PSME4: variants seen among roughly 807,000 people sequenced by gnomAD.
PSME4 encodes the protein proteasome activator subunit 4.
PSME4 carries 89 observed loss-of-function variants against 253.9 expected under a neutral mutation model. That is an observed-to-expected ratio of 0.35 (90% CI 0.30 to 0.42). The LOEUF is 0.42. Ranked by LOEUF, PSME4 falls within the 10% of genes least tolerant of loss-of-function variation. The pLI, the probability that PSME4 is intolerant of heterozygous loss-of-function variation, is 1.00. For synonymous variants in PSME4, 851 were observed against 759.2 expected (o/e 1.12, Z -1.99); for missense variants, 2,014 against 2,195.2 (o/e 0.92, Z 1.65).
intron 1 of PSME4, among the ~76,000 whole-genome samples, chr2:53,968,481 T>TCC (rs1473471816): frequency 6.6e-6 from 1 of 152,084 alleles, no homozygotes; most frequent in Non-Finnish European, 1.5e-5. Context: ...ATTCAGATGT[T>TCC]CACTTATGCA....
rs79193372 is a variant in PSME4 at position 53,959,000 on chromosome 2, C to T, written c.243-9717G>A. Among the ~76,000 whole-genome samples the T allele has an allele frequency of 2.0e-4, 30 of 151,930 alleles. No individual in the cohort carries two copies. The East Asian group carries it at 5.0e-3, about 26-fold the overall frequency. ...AAATGTAAAATATTTAAACAAATGGCGAGAAATAAGGACTTTTTAAAATGC... is the reference window on the plus strand; with the variant it reads ...AAATGTAAAATATTTAAACAAATGGTGAGAAATAAGGACTTTTTAAAATGC... On this transcript the variant is annotated intron_variant, in intron 1 of 46. Coordinates refer to ENST00000404125, the MANE Select transcript of PSME4 (RefSeq NM_014614.3).
At chr2:53,955,987 A>T (rs541142879) in intron 1 of PSME4, among the ~76,000 whole-genome samples, 330 of 152,288 alleles carry the variant, frequency 2.2e-3, no homozygotes, top group African/African-American at 7.7e-3. Context: ...TCTGGGAGCC[A>T]GGTACAGTGG....
intron 27 of PSME4, 32 bp downstream of exon 27, chr2:53,903,993 G>A: frequency 6.4e-7 from 1 of 1,550,496 alleles, no homozygotes; most frequent in Non-Finnish European, 8.8e-7. Context: ...GTTTGAAAAT[G>A]TTTACAGTAA....
intron 41 of PSME4, among the ~76,000 whole-genome samples, chr2:53,876,539 G>A (rs1212876951): frequency 2.0e-5 from 3 of 151,564 alleles, no homozygotes; most frequent in Non-Finnish European, 4.4e-5. Flanking sequence ...TAAAAAGAGA[G>A]ATTTGCGAAA....
At position 53,928,270 on chromosome 2, in the gene PSME4, A is replaced by G. The variant is rs1184640946; in HGVS notation, c.1350T>C (p.Pro450=). 6.2e-7 allele frequency: 1 copy of G among 1,613,940 alleles called. No homozygotes were observed. The highest frequency in any genetic ancestry group is 8.5e-7 in the Non-Finnish European group (1 of 1,179,936). Residue 450 remains proline (P), a synonymous_variant, in exon 11 of 47, where the codon CCT becomes CCC. Coordinates refer to ENST00000404125, the MANE Select transcript of PSME4 (RefSeq NM_014614.3). ...AACTTAAAGTAGCTGTGAGCTGGTG[A>G]GGTTCTGTTAATGTCTCTAATGCAG... ...TYPALETLTE[P]HQLTATLSCV... is the part of the protein sequence containing the mutation.
At chr2:53,927,869 C>T (rs893828043) in intron 11 of PSME4, among the ~76,000 whole-genome samples, 3 of 152,098 alleles carry the variant, frequency 2.0e-5, no homozygotes, top group African/African-American at 7.2e-5. Flanking sequence ...ATTGCTGGAA[C>T]CCAGGAGGTG....
intron 1 of PSME4, among the ~76,000 whole-genome samples, chr2:53,963,270 A>C (rs1444291334): frequency 6.6e-6 from 1 of 151,940 alleles, no homozygotes; most frequent in Non-Finnish European, 1.5e-5. Context: ...AGGTTAAAAC[A>C]GGGGGGTATG....
At chr2:53,952,608 G>C (rs1037149923) in intron 1 of PSME4, among the ~76,000 whole-genome samples, 1 of 152,132 alleles carries the variant, frequency 6.6e-6, no homozygotes, top group Non-Finnish European at 1.5e-5. Flanking sequence ...CTGTGGTTAG[G>C]ATACTTCTGC....
chr2:53,918,272 T>C (rs1174793654), intron 20 of PSME4, among the ~76,000 whole-genome samples: 2 of 152,204 alleles, frequency 1.3e-5, no homozygotes, highest in Admixed American at 1.3e-4. Flanking sequence ...TTGAAAAAAA[T>C]GGTCTTAGTA....
In PSME4 at chr2:53,932,758, A is replaced by G; in HGVS notation, c.960T>C (p.Gly320=). The change falls in exon 9 of 47, where the codon GGT becomes GGC. Residue 320 remains glycine, a splice_region_variant and synonymous_variant. Transcript: ENST00000404125. ...HAVIWITAMM[G]GPSKLVQKHL... ...GTTTTTGCACTAGCTTACTTGGTCC[A>G]CCCTGTCCAGATAAAAGAGTAAAAA... is the stretch of plus-strand genomic sequence containing the variant. 6.2e-7 allele frequency: 1 copy of G among 1,611,982 alleles called. No individual in the cohort carries two copies. Among genetic ancestry groups the G allele is most frequent in the Non-Finnish European group, 8.5e-7 (1 of 1,178,052 alleles).
chr2:53,907,140 AAC>A (rs1359582918), intron 24 of PSME4, among the ~76,000 whole-genome samples: 24 of 152,198 alleles, frequency 1.6e-4, no homozygotes, highest in Admixed American at 1.6e-3. Context: ...ATGGGAGAGC[AAC>A]AGAGTTGTGT....
intron 3 of PSME4, among the ~76,000 whole-genome samples, chr2:53,945,744 A>G (rs1165465594): frequency 2.0e-5 from 3 of 152,242 alleles, no homozygotes; most frequent in Non-Finnish European, 1.5e-5. Context: ...TTCACTTTTG[A>G]TTATAAAAAT....
rs780181574 is a variant in PSME4, at chr2:53,866,133, G to A, written c.5488C>T (p.Leu1830Phe). ...HKQQFTDDQLLVLTDLLVSPC... is the reference protein window; with the variant it reads ...HKQQFTDDQLFVLTDLLVSPC... ...GACACAAGAAGATCGGTGAGAACAAGCAGTTGGTCATCAGTGAATTGCTGT... is the reference window on the plus strand; with the variant it reads ...GACACAAGAAGATCGGTGAGAACAAACAGTTGGTCATCAGTGAATTGCTGT... The change falls in exon 46 of 47, where the codon CTT becomes TTT. Residue 1830 changes from leucine (L) to phenylalanine (F), a missense_variant. By Grantham distance (22) the Leu-to-Phe change is conservative (BLOSUM62 0). Coordinates refer to ENST00000404125, the MANE Select transcript of PSME4 (RefSeq NM_014614.3). 6 of 1,613,286 alleles carry A rather than the reference G, an allele frequency of 3.7e-6. No homozygotes were observed. In the Admixed American group the frequency reaches 6.7e-5, roughly 18 times the overall value.
intron 18 of PSME4, among the ~76,000 whole-genome samples, chr2:53,920,552 G>A (rs930393839): frequency 4.6e-5 from 7 of 152,154 alleles, no homozygotes; most frequent in East Asian, 1.9e-4. Context: ...AAGTCTCCCC[G>A]AAGAGTACTC....
At chr2:53,872,741 C>CAAAAAAAAAAAAAAAA (rs61308177) in intron 43 of PSME4, among the ~76,000 whole-genome samples, 2 of 48,008 alleles carry the variant, frequency 4.2e-5, no homozygotes, top group Non-Finnish European at 7.7e-5. Context: ...GACTTGGTCT[C>CAAAAAAAAAAAAAAAA]AAAAAAAAAA....
At chr2:53,936,512 GC>G (rs1206806411) in intron 6 of PSME4, among the ~76,000 whole-genome samples, 1 of 152,080 alleles carries the variant, frequency 6.6e-6, no homozygotes, top group African/African-American at 2.4e-5. Flanking sequence ...TACATTTCAT[GC>G]ATTTTACAAT....
chr2:53,950,854 A>G (rs1478835512), intron 1 of PSME4, among the ~76,000 whole-genome samples: 2 of 151,558 alleles, frequency 1.3e-5, no homozygotes, highest in Non-Finnish European at 2.9e-5. Context: ...AAAAAAAAAA[A>G]AAAGAAAAGA....
intron 44 of PSME4, among the ~76,000 whole-genome samples, chr2:53,867,205 T>A (rs1477816496): frequency 6.6e-6 from 1 of 152,000 alleles, no homozygotes; most frequent in Non-Finnish European, 1.5e-5. Flanking sequence ...CAAAAATAAT[T>A]TTTAAAAATC....
intron 16 of PSME4, 73 bp downstream of exon 16, chr2:53,922,976 T>C (rs1042120718): frequency 2.5e-6 from 3 of 1,182,914 alleles, no homozygotes; most frequent in Admixed American, 5.3e-5. Context: ...CTGTTGTCAT[T>C]AACAGAGTTT....
Sources: gnomAD v4.1 joint callset for allele counts (sites outside exome capture counted in the v4.1 genomes callset) on GRCh38, gnomAD v4.1.1 for gene constraint, MANE v1.5 for transcripts, NCBI Gene and HGNC (gene_info 2026-07-23, HGNC 2026-07-21) for gene names.